Variants in LRPPRC observed in about 807,000 individuals in gnomAD.
LRPPRC encodes the protein leucine rich pentatricopeptide repeat containing.
Under a neutral mutation model 180.3 loss-of-function variants are expected in LRPPRC, and 120 were observed. The ratio of observed to expected loss-of-function variants is 0.67; its 90% CI spans 0.57 to 0.77. The LOEUF (loss-of-function observed/expected upper bound fraction) is 0.77. Among genes scored for constraint, LRPPRC ranks in the 30% least tolerant of loss-of-function variants. LRPPRC has a pLI of 0.00. For synonymous variants in LRPPRC, 723 were observed against 600.0 expected, an observed-to-expected ratio of 1.21 and a Z score of -3.00; for missense variants, 2,012 against 1,657.2, an observed-to-expected ratio of 1.21 and a Z score of -3.72.
chr2:43,893,330 G>C (rs567812029), intron 36 of LRPPRC, among the ~76,000 whole-genome samples: 1 of 152,232 alleles, frequency 6.6e-6, no homozygotes, highest in Non-Finnish European at 1.5e-5. Flanking sequence ...TTCAATTGCA[G>C]ATAAAATGCT....
Position 43,901,334 on chromosome 2 carries a change from C to G in LRPPRC, c.3555G>C (p.Leu1185Phe), listed in dbSNP as rs1368219328. The change falls in exon 32 of 38, where the codon TTG (leucine) becomes TTC (phenylalanine). Residue 1185 changes from leucine to phenylalanine, a missense_variant. Physicochemically the swap from Leu to Phe is conservative, Grantham distance 22 (BLOSUM62 0). Transcript: ENST00000260665. The part of the protein sequence containing the change: ...SKMVFINNIA[L>F]AQIKNNNIDA... ...CAAATACTCACTTCTTTATTTGAGC[C>G]AAAGCAATGTTATTGATGAAAACCA... 2.5e-6 allele frequency: 4 copies of G among 1,613,440 alleles called. No individual in the cohort carries two copies. The highest frequency in any genetic ancestry group is 8.5e-7 in the Non-Finnish European group (1 of 1,179,608).
intron 33 of LRPPRC, 24 bp downstream of exon 33, chr2:43,899,442 C>T: frequency 6.2e-7 from 1 of 1,614,008 alleles, no homozygotes; most frequent in South Asian, 1.1e-5. Flanking sequence ...CTTGTGTGTT[C>T]TTTAGCACAA....
intron 23 of LRPPRC, 131 bp downstream of exon 23, chr2:43,943,556 G>C (rs1672566599): frequency 1.4e-6 from 1 of 736,144 alleles, no homozygotes; most frequent in East Asian, 2.6e-5. Flanking sequence ...GTTCATATTA[G>C]CCCTCTTACT....
intron 27 of LRPPRC, among the ~76,000 whole-genome samples, chr2:43,919,909 T>C (rs1331798675): frequency 6.6e-6 from 1 of 151,844 alleles, no homozygotes; most frequent in Non-Finnish European, 1.5e-5. Flanking sequence ...ATGAATACAT[T>C]TGTTCCTCAG....
intron 1 of LRPPRC, among the ~76,000 whole-genome samples, chr2:43,987,858 T>C (rs1213668092): frequency 6.6e-6 from 1 of 152,232 alleles, no homozygotes; most frequent in Non-Finnish European, 1.5e-5. Context: ...GTGCTTTCTA[T>C]GTATAAGGCA....
At chr2:43,922,902 C>T (rs903661431) in intron 27 of LRPPRC, among the ~76,000 whole-genome samples, 18 of 152,074 alleles carry the variant, frequency 1.2e-4, no homozygotes, top group South Asian at 6.2e-4. Flanking sequence ...ATTTATAACA[C>T]GGCAGAAGGT....
At chr2:43,960,916 C>G (rs1251959364) in intron 12 of LRPPRC, among the ~76,000 whole-genome samples, 2 of 152,086 alleles carry the variant, frequency 1.3e-5, no homozygotes, top group African/African-American at 4.8e-5. Context: ...CCATTCAAGA[C>G]AAAACAAAGA....
In LRPPRC at chr2:43,948,521, G is replaced by A. The variant is rs767032597; in HGVS notation, c.1736-3C>T. 1 of 1,483,228 alleles carries A rather than the reference G, an allele frequency of 6.7e-7. No homozygotes were observed. The highest frequency in any genetic ancestry group is 9.4e-7 in the Non-Finnish European group (1 of 1,060,674). 91.9% of individuals were successfully genotyped at this position (1,483,228 alleles called of 1,614,324 possible). ...ATAAAGAAAATAGCCAACAGCTTCT[G>A]TGGAAAAAAACAAGAGAAAGCATTC... On this transcript the variant is annotated splice_polypyrimidine_tract_variant and splice_region_variant and intron_variant, in intron 16 of 37. Transcript: ENST00000260665.
chr2:43,963,816 C>T (rs1673450584), intron 11 of LRPPRC, 110 bp from the exon 12 acceptor site: 1 of 768,552 alleles, frequency 1.3e-6, no homozygotes, highest in Non-Finnish European at 2.3e-6. Context: ...GAAAATTACT[C>T]AGCAATTCGT....
At chr2:43,899,173 C>T in intron 34 of LRPPRC, 46 bp downstream of exon 34, 1 of 1,332,690 alleles carries the variant, frequency 7.5e-7, no homozygotes, top group Non-Finnish European at 1.1e-6. Flanking sequence ...CAATTTACTT[C>T]TTGCAAGCCT....
chr2:43,984,599 A>G (rs2103753800), intron 1 of LRPPRC, among the ~76,000 whole-genome samples: 2 of 152,332 alleles, frequency 1.3e-5, no homozygotes, highest in Admixed American at 1.3e-4. Flanking sequence ...TTCACTCTTC[A>G]GTTATATGGT....
chr2:43,910,391 C>T (rs1671214279), intron 30 of LRPPRC, among the ~76,000 whole-genome samples: 2 of 152,082 alleles, frequency 1.3e-5, no homozygotes, highest in African/African-American at 4.8e-5. Flanking sequence ...CCTGCCACCA[C>T]ACACGGCTAA....
At chr2:43,941,808 AT>A (rs1409307220) in intron 23 of LRPPRC, among the ~76,000 whole-genome samples, 1 of 149,276 alleles carries the variant, frequency 6.7e-6, no homozygotes, top group African/African-American at 2.5e-5. Context: ...GAAAGACCTC[AT>A]CATGGAGACT....
At chr2:43,911,520 C>CTTTTTTTTTTTTTTT (rs755010502) in intron 30 of LRPPRC, among the ~76,000 whole-genome samples, 1 of 113,486 alleles carries the variant, frequency 8.8e-6, no homozygotes, top group Admixed American at 9.7e-5. Flanking sequence ...TCTTCTTCTT[C>CTTTTTTTTTTTTTTT]TTCTTTTTTT....
intron 23 of LRPPRC, among the ~76,000 whole-genome samples, chr2:43,935,750 C>A (rs1394478087): frequency 6.6e-6 from 1 of 151,958 alleles, no homozygotes; most frequent in Non-Finnish European, 1.5e-5. Context: ...TCTTACCATA[C>A]TGAAATAAAA....
intron 36 of LRPPRC, among the ~76,000 whole-genome samples, chr2:43,893,247 A>G (rs540493808): frequency 3.9e-5 from 6 of 152,382 alleles, no homozygotes; most frequent in Non-Finnish European, 8.8e-5. Context: ...CAAAGGATTC[A>G]GAATATGACA....
intron 23 of LRPPRC, among the ~76,000 whole-genome samples, chr2:43,943,168 C>A (rs1558981516): frequency 6.6e-6 from 1 of 151,916 alleles, no homozygotes. Context: ...AAATTGAGCA[C>A]CAACAAGAGC....
At chr2:43,944,000 T>C (rs763763991) in intron 22 of LRPPRC, 106 bp from the exon 23 acceptor site, 1 of 774,036 alleles carries the variant, frequency 1.3e-6, no homozygotes, top group Non-Finnish European at 2.3e-6. Context: ...TTCTAGTGTA[T>C]AATGCCGATT....
intron 37 of LRPPRC, among the ~76,000 whole-genome samples, chr2:43,889,491 T>A (rs1670403149): frequency 6.6e-6 from 1 of 152,076 alleles, no homozygotes; most frequent in Non-Finnish European, 1.5e-5. Context: ...ATTTGGTAAA[T>A]CCATGCCTAT....
Sources: allele counts gnomAD v4.1 joint callset (sites outside exome capture counted in the v4.1 genomes callset), GRCh38; gene constraint gnomAD v4.1.1; transcripts MANE v1.5; gene names NCBI Gene and HGNC (gene_info 2026-07-23, HGNC 2026-07-21).